The following GRXCR1 variants were observed in gnomAD, a reference collection of about 807,000 sequenced individuals.
GRXCR1 encodes the protein glutaredoxin and cysteine rich domain containing 1.
A neutral mutation model predicts 27.3 loss-of-function variants in GRXCR1; 27 were observed. The ratio of observed to expected loss-of-function variants is 0.99; its 90% CI spans 0.73 to 1.37. The LOEUF (loss-of-function observed/expected upper bound fraction) is 1.37, where lower values mean the gene tolerates loss of function less well. Ranked by LOEUF, GRXCR1 falls within the 40% of genes most tolerant of loss-of-function variation. The pLI, the probability that GRXCR1 is intolerant of heterozygous loss-of-function variation, is 0.00. For missense variants in GRXCR1, 379 were observed against 354.4 expected, an observed-to-expected ratio of 1.07 and a Z score of -0.56; for synonymous variants, 122 against 131.1, an observed-to-expected ratio of 0.93 and a Z score of 0.47.
chr4:43,023,552 T>G (rs1292079834), intron 3 of GRXCR1, among the ~76,000 whole-genome samples: 2 of 152,236 alleles, frequency 1.3e-5, no homozygotes, highest in African/African-American at 4.8e-5. Context: ...GTAACACATG[T>G]GATAGCTTCT....
chr4:43,009,656 C>T (rs951188482), intron 2 of GRXCR1, among the ~76,000 whole-genome samples: 5 of 152,064 alleles, frequency 3.3e-5, no homozygotes, highest in African/African-American at 1.2e-4. Context: ...TTTCCTGTGT[C>T]ATCACATGGT....
intron 1 of GRXCR1, among the ~76,000 whole-genome samples, chr4:42,912,142 G>A (rs150020990): frequency 1.3e-5 from 2 of 152,092 alleles, no homozygotes; most frequent in African/African-American, 4.8e-5. Flanking sequence ...ATTATCCAGT[G>A]TCTTGTTTTG....
intron 1 of GRXCR1, among the ~76,000 whole-genome samples, chr4:42,949,208 AC>A (rs1443758851): frequency 6.6e-6 from 1 of 151,062 alleles, no homozygotes; most frequent in African/African-American, 2.4e-5. Flanking sequence ...ACACACACAC[AC>A]AAAAAAAAAG....
At chr4:42,908,794 T>C (rs191988732) in intron 1 of GRXCR1, among the ~76,000 whole-genome samples, 10 of 152,268 alleles carry the variant, frequency 6.6e-5, no homozygotes, top group Admixed American at 2.0e-4. Context: ...ATACAGGCAA[T>C]GAAAGGCAGA....
intron 2 of GRXCR1, among the ~76,000 whole-genome samples, chr4:43,006,135 C>G (rs1223995477): frequency 6.6e-6 from 1 of 152,188 alleles, no homozygotes; most frequent in African/African-American, 2.4e-5. Context: ...ATTTCCCATG[C>G]CTGTCTTTAC....
chr4:43,022,444 G>A (rs1253268043), intron 3 of GRXCR1, among the ~76,000 whole-genome samples: 2 of 152,158 alleles, frequency 1.3e-5, no homozygotes, highest in Non-Finnish European at 2.9e-5. Flanking sequence ...TGGAAAAGAA[G>A]ATGTTTTTCT....
intron 2 of GRXCR1, among the ~76,000 whole-genome samples, chr4:42,986,974 CTAG>C (rs1392401081): frequency 6.7e-6 from 1 of 148,304 alleles, no homozygotes; most frequent in African/African-American, 2.5e-5. Flanking sequence ...TCCCTGCCAT[CTAG>C]GCTCAAAATT....
chr4:42,999,281 T>G (rs1358923221), intron 2 of GRXCR1, among the ~76,000 whole-genome samples: 1 of 152,210 alleles, frequency 6.6e-6, no homozygotes, highest in Non-Finnish European at 1.5e-5. Flanking sequence ...AAAGCATGTG[T>G]GTATAGAATT....
At chr4:42,920,933 G>T (rs1284783415) in intron 1 of GRXCR1, among the ~76,000 whole-genome samples, 1 of 150,758 alleles carries the variant, frequency 6.6e-6, no homozygotes, top group East Asian at 2.0e-4. Context: ...GTTCAAGTTT[G>T]CAATAATTTT....
intron 2 of GRXCR1, among the ~76,000 whole-genome samples, chr4:42,992,167 A>T (rs895033651): frequency 6.6e-6 from 1 of 152,166 alleles, no homozygotes; most frequent in African/African-American, 2.4e-5. Context: ...TTACAGAATT[A>T]TACCACCACC....
At chr4:43,018,532 C>T (rs1713001937) in intron 2 of GRXCR1, among the ~76,000 whole-genome samples, 1 of 152,074 alleles carries the variant, frequency 6.6e-6, no homozygotes, top group Non-Finnish European at 1.5e-5. Context: ...TGAGACAGGT[C>T]CTTTCTTGGC....
At chr4:42,949,369 A>C (rs1169900115) in intron 1 of GRXCR1, among the ~76,000 whole-genome samples, 1 of 151,244 alleles carries the variant, frequency 6.6e-6, no homozygotes, top group East Asian at 1.9e-4. Context: ...AAAAAAAAAA[A>C]AAAAAAACAA....
intron 1 of GRXCR1, among the ~76,000 whole-genome samples, chr4:42,940,336 C>T (rs1747588114): frequency 1.3e-5 from 2 of 152,188 alleles, no homozygotes; most frequent in South Asian, 4.1e-4. Flanking sequence ...TTAGCTACAG[C>T]TCTCTGAATG....
chr4:42,896,430 G>T (rs1746347567), intron 1 of GRXCR1, among the ~76,000 whole-genome samples: 1 of 137,524 alleles, frequency 7.3e-6, no homozygotes, highest in Admixed American at 7.7e-5. Flanking sequence ...GAACCAGGAG[G>T]CAAAAAGCAG....
chr4:42,970,872 T>A (rs1836889), intron 2 of GRXCR1, among the ~76,000 whole-genome samples: 4 of 152,162 alleles, frequency 2.6e-5, no homozygotes, highest in African/African-American at 4.8e-5. Context: ...CAGGCTGCAA[T>A]TTTTCCAAAT....
rs528071809 is a variant in GRXCR1, at chr4:42,965,746, AACAG to A, written c.627+2618_627+2621del. 2.4e-3 allele frequency among the ~76,000 whole-genome samples: 362 copies of A among 152,098 alleles called. 3 individuals are homozygous for A. The highest frequency in any genetic ancestry group is 1.0e-2 in the South Asian group (48 of 4,822). On this transcript the variant is annotated intron_variant, in intron 2 of 3. Coordinates refer to ENST00000399770, the MANE Select transcript of GRXCR1 (RefSeq NM_001080476.3). ...TAGGAAGGAGAGAGAAAAATAGAAA[AACAG>A]ACAGAAACAGCCAGAGAATGAGGTA...
chr4:42,947,953 T>C (rs7375426), intron 1 of GRXCR1, among the ~76,000 whole-genome samples: 126,685 of 152,188 alleles, frequency 0.83, 53,019 homozygotes, highest in East Asian at 0.93. Flanking sequence ...TTTCATGTGC[T>C]TCACAATTTA....
intron 2 of GRXCR1, among the ~76,000 whole-genome samples, chr4:43,006,843 C>G (rs985434909): frequency 6.6e-6 from 1 of 152,116 alleles, no homozygotes; most frequent in Non-Finnish European, 1.5e-5. Context: ...TGGGGCATCA[C>G]GGAACGTACT....
At chr4:42,926,498 T>G (rs1311946722) in intron 1 of GRXCR1, among the ~76,000 whole-genome samples, 1 of 151,996 alleles carries the variant, frequency 6.6e-6, no homozygotes, top group Non-Finnish European at 1.5e-5. Context: ...AATACTGTTT[T>G]TTTTTTCCAA....
Sources: allele counts gnomAD v4.1 joint callset (sites outside exome capture counted in the v4.1 genomes callset), GRCh38; gene constraint gnomAD v4.1.1; transcripts MANE v1.5; gene names NCBI Gene and HGNC (gene_info 2026-07-23, HGNC 2026-07-21).